Variants in DAGLA observed in about 807,000 individuals in gnomAD.
DAGLA encodes the protein diacylglycerol lipase-alpha.
In DAGLA, 22 loss-of-function variants were observed where a neutral mutation model predicts 102.6. That is an observed-to-expected ratio of 0.21 (90% confidence interval 0.15 to 0.31). DAGLA has a LOEUF of 0.31. Among genes scored for constraint, DAGLA ranks in the 10% least tolerant of loss-of-function variants. The pLI is 1.00. For missense variants in DAGLA, 927 were observed against 1,446.6 expected, an observed-to-expected ratio of 0.64 and a Z score of 5.83; for synonymous variants, 578 against 628.9, an observed-to-expected ratio of 0.92 and a Z score of 1.21.
Position 61,726,031 on chromosome 11 carries a change from G to A in DAGLA, c.585G>A (p.Ser195=), listed in dbSNP as rs568102976. 62 of 1,613,482 alleles carry A rather than the reference G, an allele frequency of 3.8e-5. No homozygotes were observed. In the South Asian group the frequency reaches 4.9e-4, roughly 13 times the overall value. ...AGGAGGGTCAAGCCACCAGCTGGTC[G>A]CGCCGGCTCAAAGTGTTCCTCTGCT... The part of the protein sequence containing the change: ...RLEEGQATSW[S]RRLKVFLCCT... Residue 195 remains serine (S), a synonymous_variant, in exon 6 of 20, where the codon TCG becomes TCA. Coordinates refer to ENST00000257215, the MANE Select transcript of DAGLA (RefSeq NM_006133.3).
In DAGLA at chr11:61,731,311, T is replaced by G; in HGVS notation, c.850-6T>G. ...AGGTGACCGCCCTCTGCCTCCTCTC[T>G]TCTAGCAAGAGATGCTCCGCTACAA... is the stretch of plus-strand genomic sequence containing the variant. On this transcript the variant is annotated splice_polypyrimidine_tract_variant and splice_region_variant and intron_variant, in intron 8 of 19. Transcript: ENST00000257215. 2 of 1,613,524 alleles carry G rather than the reference T, an allele frequency of 1.2e-6. No homozygotes were observed. The highest frequency in any genetic ancestry group is 1.7e-6 in the Non-Finnish European group (2 of 1,179,714).
At chr11:61,723,712 G>T in intron 5 of DAGLA, 140 bp downstream of exon 5, 1 of 1,005,408 alleles carries the variant, frequency 9.9e-7, no homozygotes, top group Non-Finnish European at 1.4e-6. Flanking sequence ...TAGTCAAAGG[G>T]CTTAACTGCT....
chr11:61,702,050 A>G (rs1379431284), intron 1 of DAGLA, among the ~76,000 whole-genome samples: 3 of 152,048 alleles, frequency 2.0e-5, no homozygotes, highest in Admixed American at 2.0e-4. Context: ...AGCTGGGACT[A>G]TAAGCATGCA....
chr11:61,743,362 CAAAA>C (rs374336921), intron 19 of DAGLA, among the ~76,000 whole-genome samples, 166 bp from the exon 20 acceptor site: 12 of 51,954 alleles, frequency 2.3e-4, no homozygotes, highest in East Asian at 6.3e-4. Flanking sequence ...GACTCTGTCT[CAAAA>C]AAAAAAAAAA....
intron 13 of DAGLA, among the ~76,000 whole-genome samples, chr11:61,736,795 C>T (rs543284017): frequency 6.6e-6 from 1 of 152,196 alleles, no homozygotes; most frequent in Admixed American, 6.5e-5. Flanking sequence ...AAAGCAGGCT[C>T]TGGCCTCAGG....
At chr11:61,727,615 A>G (rs2065339808) in intron 6 of DAGLA, among the ~76,000 whole-genome samples, 1 of 152,206 alleles carries the variant, frequency 6.6e-6, no homozygotes, top group Non-Finnish European at 1.5e-5. Flanking sequence ...GCCAGAGAGT[A>G]CACCCCCTTC....
chr11:61,708,213 G>C (rs181260074), intron 1 of DAGLA, among the ~76,000 whole-genome samples: 23 of 152,168 alleles, frequency 1.5e-4, no homozygotes, highest in African/African-American at 5.3e-4. Flanking sequence ...TCGCCATGTT[G>C]GCCAGGCTGG....
At chr11:61,694,280 A>G (rs184505657) in intron 1 of DAGLA, among the ~76,000 whole-genome samples, 4 of 152,134 alleles carry the variant, frequency 2.6e-5, no homozygotes, top group East Asian at 1.9e-4. Flanking sequence ...TTTCTAAGCA[A>G]TTTTTGCTGC....
rs198424 is a variant in DAGLA at position 61,746,253 on chromosome 11, A to G, written c.*1764A>G. On this transcript the variant is annotated 3_prime_UTR_variant, in exon 20 of 20. Coordinates refer to ENST00000257215, the MANE Select transcript of DAGLA (RefSeq NM_006133.3). ...TGTAACTCCCGCCTTCACCAGACTC[A>G]AGGACACCCTGGCCCTGCTGAGGCA... is the stretch of plus-strand genomic sequence containing the variant. 0.24 allele frequency: 37,174 copies of G among 152,306 alleles called. 5,831 individuals carry two copies. The highest frequency in any genetic ancestry group is 0.34 in the Middle Eastern group (101 of 294). The allele number at this position is 152,306 out of a possible 1,614,324, so 9.4% of individuals were successfully genotyped here. A position where few individuals can be genotyped will look rare whatever the true frequency, so the allele number is the denominator to read the frequency against.
In DAGLA at chr11:61,726,007, G is replaced by A; in HGVS notation, c.561G>A (p.Glu187=). Residue 187 remains glutamate (E), a synonymous_variant, in exon 6 of 20, where the codon GAG becomes GAA. Coordinates refer to ENST00000257215, the MANE Select transcript of DAGLA (RefSeq NM_006133.3). ...TCCTGCTTTGCAGGCACCGCTTAGAGGAGGGTCAAGCCACCAGCTGGTCGC... is the reference window on the plus strand; with the variant it reads ...TCCTGCTTTGCAGGCACCGCTTAGAAGAGGGTCAAGCCACCAGCTGGTCGC... ...LRTYNLRHRL[E]EGQATSWSRR... is the part of the protein sequence containing the mutation. 3 of 1,613,684 alleles carry A rather than the reference G, an allele frequency of 1.9e-6. No individual in the cohort carries two copies. The highest frequency in any genetic ancestry group is 2.5e-6 in the Non-Finnish European group (3 of 1,180,034).
intron 6 of DAGLA, among the ~76,000 whole-genome samples, chr11:61,727,192 C>G (rs530549227): frequency 6.6e-6 from 1 of 152,372 alleles, no homozygotes; most frequent in South Asian, 2.1e-4. Context: ...TGTTGTGTTG[C>G]TTACACATTT....
At chr11:61,720,570 T>C in intron 2 of DAGLA, 109 bp from the exon 3 acceptor site, 1 of 1,021,298 alleles carries the variant, frequency 9.8e-7, no homozygotes, top group African/African-American at 1.6e-5. Flanking sequence ...AGGTGCCTGC[T>C]GCCAGCCCTC....
intron 18 of DAGLA, 135 bp downstream of exon 18, chr11:61,740,727 C>G: frequency 8.6e-7 from 1 of 1,163,578 alleles, no homozygotes; most frequent in African/African-American, 1.5e-5. Context: ...GTAGCTGGGC[C>G]AGAAAGCCCC....
At chr11:61,682,350 A>T (rs938999157) in intron 1 of DAGLA, among the ~76,000 whole-genome samples, 3 of 152,112 alleles carry the variant, frequency 2.0e-5, no homozygotes, top group Non-Finnish European at 4.4e-5. Context: ...GTGGCACGGG[A>T]TGTGATTGGG....
chr11:61,729,103 G>GC (rs2065354366), intron 8 of DAGLA, 95 bp downstream of exon 8: 2 of 1,111,896 alleles, frequency 1.8e-6, no homozygotes, highest in African/African-American at 3.1e-5. Flanking sequence ...CCCTTGCAGT[G>GC]CCAGCCACAT....
chr11:61,736,971 G>A (rs943339640), intron 13 of DAGLA, among the ~76,000 whole-genome samples: 10 of 152,244 alleles, frequency 6.6e-5, no homozygotes, highest in Non-Finnish European at 1.5e-4. Flanking sequence ...GCAAGGTTTG[G>A]AAGCGTAAAT....
At chr11:61,721,042 G>A in intron 3 of DAGLA, 152 bp downstream of exon 3, 1 of 743,334 alleles carries the variant, frequency 1.3e-6, no homozygotes, top group Non-Finnish European at 2.2e-6. Context: ...TTACATTCTA[G>A]ACTAGGGGCC....
At chr11:61,719,896 G>C (rs2065267516) in intron 1 of DAGLA, among the ~76,000 whole-genome samples, 1 of 152,212 alleles carries the variant, frequency 6.6e-6, no homozygotes. Context: ...CGGGGGACAG[G>C]AGAGACTCCA....
chr11:61,734,232 CG>C lies in DAGLA; in HGVS notation c.975-616del, dbSNP rs1377740334. Among the ~76,000 whole-genome samples the C allele has an allele frequency of 6.7e-6, 1 of 150,030 alleles. No homozygotes were observed. Among genetic ancestry groups the C allele is most frequent in the Non-Finnish European group, 1.5e-5 (1 of 67,566 alleles). ...TCTGAGTCTGAAGGGAAGCCGAGTACGTGTACTGACCGAGTGGCATGGCCGT... is the reference window on the plus strand; with the variant it reads ...TCTGAGTCTGAAGGGAAGCCGAGTACTGTACTGACCGAGTGGCATGGCCGT... On this transcript the variant is annotated intron_variant, in intron 9 of 19. Coordinates refer to ENST00000257215, the MANE Select transcript of DAGLA (RefSeq NM_006133.3). The surrounding 1 kb of genome is among the most constrained non-coding windows in gnomAD (Gnocchi z 4.2).
Sources: gnomAD v4.1 joint callset for allele counts (sites outside exome capture counted in the v4.1 genomes callset) on GRCh38, gnomAD v4.1.1 for gene constraint, Gnocchi (gnomAD v3.1) non-coding constraint, MANE v1.5 for transcripts, NCBI Gene and HGNC (gene_info 2026-07-23, HGNC 2026-07-21) for gene names.